Variants in CDH13 observed in about 807,000 individuals in gnomAD.
CDH13 encodes cadherin-13.
A neutral mutation model predicts 63.8 loss-of-function variants in CDH13; 24 were observed. That is an observed-to-expected ratio of 0.38 (90% CI 0.27 to 0.53). The LOEUF is 0.53. Among genes scored for constraint, CDH13 ranks in the 20% least tolerant of loss-of-function variants. The pLI is 0.85. For synonymous variants in CDH13, 503 were observed against 355.3 expected (o/e 1.42, Z -4.67); for missense variants, 1,049 against 903.1 (o/e 1.16, Z -2.07).
At chr16:83,505,244 G>T (rs1423492630) in intron 7 of CDH13, among the ~76,000 whole-genome samples, 1 of 152,186 alleles carries the variant, frequency 6.6e-6, no homozygotes, top group Non-Finnish European at 1.5e-5. Flanking sequence ...TTGTTTCTCA[G>T]TTCTAACTGT....
At chr16:83,306,367 C>G (rs2089879071) in intron 5 of CDH13, among the ~76,000 whole-genome samples, 1 of 152,116 alleles carries the variant, frequency 6.6e-6, no homozygotes. Flanking sequence ...AGATGTCTCA[C>G]AAATGCTGTT....
chr16:83,611,184 G>T (rs1419265503), intron 8 of CDH13, among the ~76,000 whole-genome samples: 1 of 151,978 alleles, frequency 6.6e-6, no homozygotes, highest in African/African-American at 2.4e-5. Context: ...TATTCTGGAT[G>T]TGAGTCCTTT....
intron 6 of CDH13, among the ~76,000 whole-genome samples, chr16:83,359,460 T>G (rs1195422513): frequency 6.6e-6 from 1 of 152,100 alleles, no homozygotes; most frequent in Non-Finnish European, 1.5e-5. Flanking sequence ...AGGGTCTTAG[T>G]GTCGTCACCC....
intron 6 of CDH13, among the ~76,000 whole-genome samples, chr16:83,352,726 T>C (rs1304707934): frequency 6.6e-6 from 1 of 152,038 alleles, no homozygotes; most frequent in African/African-American, 2.4e-5. Flanking sequence ...CCGTCTCTAC[T>C]AAAAATACAA....
chr16:82,704,629 G>C (rs541329824), intron 1 of CDH13, among the ~76,000 whole-genome samples: 3 of 152,302 alleles, frequency 2.0e-5, no homozygotes, highest in African/African-American at 7.2e-5. Flanking sequence ...GCACACCTGG[G>C]GTCCTTTTCC....
At chr16:82,677,618 A>C (rs13334315) in intron 1 of CDH13, among the ~76,000 whole-genome samples, 285 of 152,254 alleles carry the variant, frequency 1.9e-3, no homozygotes, top group African/African-American at 6.8e-3. Flanking sequence ...TTCTAACTTA[A>C]GGGTTTAGAA....
chr16:82,756,320 A>G (rs1350890), intron 1 of CDH13, among the ~76,000 whole-genome samples: 150,191 of 152,260 alleles, frequency 0.99, 74,109 homozygotes, highest in Middle Eastern at 1. Context: ...TCTGATAGGG[A>G]AAGAAGTCAT....
chr16:83,082,340 T>G (rs2033309245), intron 3 of CDH13, among the ~76,000 whole-genome samples: 1 of 152,064 alleles, frequency 6.6e-6, no homozygotes, highest in Non-Finnish European at 1.5e-5. Flanking sequence ...TTGAACATTT[T>G]CCAGATTCAG....
chr16:82,841,428 A>G (rs984770873), intron 1 of CDH13, among the ~76,000 whole-genome samples: 5 of 152,218 alleles, frequency 3.3e-5, no homozygotes, highest in African/African-American at 7.2e-5. Context: ...TTCAAGGTCA[A>G]ATTGATTATC....
intron 3 of CDH13, among the ~76,000 whole-genome samples, chr16:83,046,789 C>G (rs2151496691): frequency 6.6e-6 from 1 of 152,316 alleles, no homozygotes; most frequent in South Asian, 2.1e-4. Context: ...GATTGTTGCT[C>G]TGACCCTGGT....
intron 8 of CDH13, among the ~76,000 whole-genome samples, chr16:83,644,883 T>C (rs1911645632): frequency 6.6e-6 from 1 of 152,212 alleles, no homozygotes; most frequent in South Asian, 2.1e-4. Context: ...GGAGCAGATA[T>C]GAAGTATGCT....
intron 6 of CDH13, among the ~76,000 whole-genome samples, chr16:83,352,370 A>C (rs2090971000): frequency 6.6e-6 from 1 of 152,226 alleles, no homozygotes; most frequent in Admixed American, 6.5e-5. Flanking sequence ...TGTTAGTGGA[A>C]ATGTAAACAA....
At chr16:83,757,311 C>G (rs754708179) in intron 11 of CDH13, among the ~76,000 whole-genome samples, 5 of 152,186 alleles carry the variant, frequency 3.3e-5, no homozygotes, top group African/African-American at 4.8e-5. Context: ...GGCACGGTGG[C>G]TCACTCCTGT....
chr16:83,699,570 G>T (rs1382858869), intron 10 of CDH13, among the ~76,000 whole-genome samples: 1 of 152,110 alleles, frequency 6.6e-6, no homozygotes, highest in African/African-American at 2.4e-5. Flanking sequence ...TCCTGCCTGT[G>T]CCAGCCTGTG....
intron 3 of CDH13, among the ~76,000 whole-genome samples, chr16:83,118,977 G>A (rs2035439158): frequency 6.6e-6 from 1 of 152,028 alleles, no homozygotes; most frequent in Non-Finnish European, 1.5e-5. Flanking sequence ...TTTAACTGAA[G>A]AACTTCTTTC....
rs539414151 is a variant in CDH13 at position 82,958,970 on chromosome 16, A to C, written c.158-73040A>C. 2.6e-5 allele frequency among the ~76,000 whole-genome samples: 4 copies of C among 152,360 alleles called. No homozygotes were observed. The East Asian group carries it at 7.7e-4, about 29-fold the overall frequency. On this transcript the variant is annotated intron_variant, in intron 2 of 13. Coordinates refer to ENST00000567109, the MANE Select transcript of CDH13 (RefSeq NM_001257.5). ...TGCAGAAAGAGAAGACTGAAGATCA[A>C]ATTTACAACGTGCTTAGACTTCTAC... is the stretch of plus-strand genomic sequence containing the variant.
chr16:83,337,446 C>T (rs146815304), intron 5 of CDH13, among the ~76,000 whole-genome samples: 148 of 152,124 alleles, frequency 9.7e-4, no homozygotes, highest in Non-Finnish European at 1.8e-3. Context: ...GGCTAACAAC[C>T]TAGTGCCCAT....
At chr16:83,072,270 T>A (rs2032494268) in intron 3 of CDH13, among the ~76,000 whole-genome samples, 2 of 152,204 alleles carry the variant, frequency 1.3e-5, no homozygotes, top group African/African-American at 4.8e-5. Flanking sequence ...TTGTCCAAGG[T>A]GTTCCAAAGA....
chr16:83,045,450 A>C (rs1397924733), intron 3 of CDH13, among the ~76,000 whole-genome samples: 2 of 152,028 alleles, frequency 1.3e-5, no homozygotes, highest in Non-Finnish European at 2.9e-5. Context: ...CAGCCTGGCC[A>C]AGATGGTGAA....
Sources: allele counts gnomAD v4.1 joint callset (sites outside exome capture counted in the v4.1 genomes callset), GRCh38; gene constraint gnomAD v4.1.1; transcripts MANE v1.5; gene names NCBI Gene and HGNC (gene_info 2026-07-23, HGNC 2026-07-21).